GPC5: variants seen among roughly 807,000 people sequenced by gnomAD.
GPC5 encodes the protein glypican 5.
GPC5 carries 47 observed loss-of-function variants against 53.9 expected under a neutral mutation model. That is an observed-to-expected ratio of 0.87 (90% CI 0.69 to 1.11). The LOEUF (loss-of-function observed/expected upper bound fraction) is 1.11, where lower values mean the gene tolerates loss of function less well. Ranked by LOEUF, GPC5 falls within the 50% of genes most tolerant of loss-of-function variation. The pLI is 0.00. For missense variants in GPC5, 748 were observed against 713.1 expected, an observed-to-expected ratio of 1.05 and a Z score of -0.56; for synonymous variants, 286 against 263.3, an observed-to-expected ratio of 1.09 and a Z score of -0.84.
chr13:91,926,407 A>T (rs1270330361), intron 6 of GPC5, among the ~76,000 whole-genome samples: 2 of 151,790 alleles, frequency 1.3e-5, no homozygotes, highest in African/African-American at 4.8e-5. Flanking sequence ...GGAGTATATT[A>T]ATAAGCATTT....
intron 6 of GPC5, among the ~76,000 whole-genome samples, chr13:92,139,416 C>A (rs973971270): frequency 6.6e-6 from 1 of 152,064 alleles, no homozygotes; most frequent in African/African-American, 2.4e-5. Context: ...GCCTGTAATC[C>A]CAGCACTTTG....
intron 7 of GPC5, among the ~76,000 whole-genome samples, chr13:92,471,034 G>A (rs568218998): frequency 7.2e-5 from 11 of 152,178 alleles, no homozygotes; most frequent in Non-Finnish European, 8.8e-5. Flanking sequence ...GTCATGTGAC[G>A]GGAAACACAG....
At chr13:92,287,867 T>C (rs946236202) in intron 7 of GPC5, among the ~76,000 whole-genome samples, 1 of 152,146 alleles carries the variant, frequency 6.6e-6, no homozygotes, top group East Asian at 1.9e-4. Context: ...CCTTTTTCTC[T>C]TCTTCAGGGA....
At chr13:91,455,413 G>T (rs918062889) in intron 2 of GPC5, among the ~76,000 whole-genome samples, 1 of 152,068 alleles carries the variant, frequency 6.6e-6, no homozygotes, top group Non-Finnish European at 1.5e-5. Context: ...TAATGATGTT[G>T]TATCTTGTTT....
At chr13:91,985,170 G>C (rs2040395357) in intron 6 of GPC5, among the ~76,000 whole-genome samples, 1 of 152,068 alleles carries the variant, frequency 6.6e-6, no homozygotes, top group Non-Finnish European at 1.5e-5. Flanking sequence ...ATTACTTTAT[G>C]TTTTTGTTAA....
intron 7 of GPC5, among the ~76,000 whole-genome samples, chr13:92,859,084 C>CT (rs748290725): frequency 6.6e-6 from 1 of 151,900 alleles, no homozygotes; most frequent in South Asian, 2.1e-4. Flanking sequence ...CTACAAAAAA[C>CT]TTTTTTTAAA....
chr13:92,846,505 A>G (rs1190715873), intron 7 of GPC5, among the ~76,000 whole-genome samples: 1 of 152,136 alleles, frequency 6.6e-6, no homozygotes, highest in African/African-American at 2.4e-5. Context: ...GATTTTTGCA[A>G]TCCTACCTGG....
At position 91,693,607 on chromosome 13, in the gene GPC5, G is replaced by A; in HGVS notation, c.746G>A (p.Ser249Asn). The A allele has an allele frequency of 6.2e-7, 1 of 1,614,094 alleles. No homozygotes were observed. Among genetic ancestry groups the A allele is most frequent in the East Asian group, 2.2e-5 (1 of 44,838 alleles). Residue 249 changes from serine to asparagine, a missense_variant, in exon 3 of 8, where the codon AGC becomes AAC. By Grantham distance (46) the Ser-to-Asn change is conservative (BLOSUM62 1). Transcript: ENST00000377067. ...TDYLHFSKEC[S>N]RALLKMQYCP... is the part of the protein sequence containing the mutation. ...TATCTGCACTTCTCCAAAGAGTGCA[G>A]CAGAGCCCTCCTGAAGATGCAATAC...
intron 7 of GPC5, among the ~76,000 whole-genome samples, chr13:92,513,890 G>A (rs1313124049): frequency 6.6e-6 from 1 of 152,012 alleles, no homozygotes; most frequent in Non-Finnish European, 1.5e-5. Flanking sequence ...AAGTCAGTGT[G>A]GAATTTTCTA....
At chr13:91,984,994 A>T (rs560294335) in intron 6 of GPC5, among the ~76,000 whole-genome samples, 34 of 152,352 alleles carry the variant, frequency 2.2e-4, no homozygotes, top group African/African-American at 7.9e-4. Flanking sequence ...CAAATTGGCA[A>T]ATTGTACATT....
intron 2 of GPC5, among the ~76,000 whole-genome samples, chr13:91,688,112 C>T (rs551963904): frequency 3.3e-5 from 5 of 151,970 alleles, no homozygotes; most frequent in Middle Eastern, 3.2e-3. Flanking sequence ...CCTTGGTAAA[C>T]ATGGTATAAG....
In GPC5 at chr13:92,759,099, C is replaced by G. The variant is rs1325678266; in HGVS notation, c.1562-107183C>G. On this transcript the variant is annotated intron_variant, in intron 7 of 7. Transcript: ENST00000377067. The stretch of plus-strand genomic sequence containing the variant: ...CTTTCTACTCTATCCCACTGGTCCA[C>G]TGGTCTGTTTGTCTGTTTTTATGCC... Among the ~76,000 whole-genome samples the G allele has an allele frequency of 3.5e-5, 5 of 144,480 alleles. No individual in the cohort carries two copies. The East Asian group carries it at 1.1e-3, about 31-fold the overall frequency. 94.8% of individuals were successfully genotyped at this position (144,480 alleles called of 152,430 possible). A position where few individuals can be genotyped will look rare whatever the true frequency, so the allele number is the denominator to read the frequency against.
chr13:92,662,252 C>G (rs537223712), intron 7 of GPC5, among the ~76,000 whole-genome samples: 8 of 152,270 alleles, frequency 5.3e-5, no homozygotes, highest in Non-Finnish European at 8.8e-5. Flanking sequence ...CCCTTTATCT[C>G]ACAAATGCCG....
chr13:92,298,384 G>A (rs921396815), intron 7 of GPC5, among the ~76,000 whole-genome samples: 3 of 152,274 alleles, frequency 2.0e-5, no homozygotes, highest in Non-Finnish European at 2.9e-5. Flanking sequence ...TCAACCGGAG[G>A]TTTCCTTCTC....
At chr13:92,438,155 A>T (rs1467459113) in intron 7 of GPC5, among the ~76,000 whole-genome samples, 2 of 151,928 alleles carry the variant, frequency 1.3e-5, no homozygotes, top group Non-Finnish European at 2.9e-5. Flanking sequence ...GAATAAAATT[A>T]TGAGCAAAGT....
chr13:92,277,762 C>T (rs1311334263), intron 7 of GPC5, among the ~76,000 whole-genome samples: 1 of 151,756 alleles, frequency 6.6e-6, no homozygotes, highest in Non-Finnish European at 1.5e-5. Context: ...TTCTACTTCT[C>T]TAGTAGAAAC....
At chr13:92,626,831 A>T (rs1885061511) in intron 7 of GPC5, among the ~76,000 whole-genome samples, 1 of 152,210 alleles carries the variant, frequency 6.6e-6, no homozygotes, top group Non-Finnish European at 1.5e-5. Flanking sequence ...TTGAAAGCTT[A>T]GACTTACTGG....
intron 7 of GPC5, among the ~76,000 whole-genome samples, chr13:92,572,142 G>T (rs1883046192): frequency 6.6e-6 from 1 of 152,116 alleles, no homozygotes; most frequent in Non-Finnish European, 1.5e-5. Flanking sequence ...TTCTGATTGA[G>T]ATATTTGAAA....
Position 92,466,377 on chromosome 13 carries a change from T to C in GPC5, c.1561+321388T>C, listed in dbSNP as rs548873842. ...TCACTCCAGGTCCCTCCTAGTTAGG[T>C]ATATAAAATCACAACCTGAAGTCAT... On this transcript the variant is annotated intron_variant, in intron 7 of 7. Coordinates refer to ENST00000377067, the MANE Select transcript of GPC5 (RefSeq NM_004466.6). 1.1e-4 allele frequency among the ~76,000 whole-genome samples: 17 copies of C among 152,122 alleles called. 1 individual carries two copies. The South Asian group carries it at 2.1e-3, about 19-fold the overall frequency.
Sources: allele counts gnomAD v4.1 joint callset (sites outside exome capture counted in the v4.1 genomes callset), GRCh38; gene constraint gnomAD v4.1.1; transcripts MANE v1.5; gene names NCBI Gene and HGNC (gene_info 2026-07-23, HGNC 2026-07-21).